Variants in TMEM94 observed in about 807,000 individuals in gnomAD.
The protein encoded by TMEM94 is transmembrane protein 94.
TMEM94 carries 81 observed loss-of-function variants against 158.6 expected under a neutral mutation model. The observed-to-expected ratio is 0.51, with a 90% CI of 0.43 to 0.61. TMEM94 has a LOEUF of 0.61. TMEM94 is among the 20% of genes least tolerant of loss of function. The probability of loss-of-function intolerance (pLI) is 0.00; values close to 1 mark genes in which losing one functional copy is unlikely to be tolerated. For missense variants in TMEM94, 1,435 were observed against 1,762.0 expected (o/e 0.81, Z 3.32); for synonymous variants, 751 against 730.7 (o/e 1.03, Z -0.45).
chr17:75,498,695 T>A lies in TMEM94; in HGVS notation c.3800T>A (p.Leu1267His). The A allele has an allele frequency of 6.3e-7, 1 of 1,579,952 alleles. No homozygotes were observed. The change falls in exon 30 of 32, where the codon CTC becomes CAC. Residue 1267 changes from leucine to histidine, a missense_variant. By Grantham distance (99) the Leu-to-His change is moderately conservative. Transcript: ENST00000314256. The surrounding 1 kb of genome is among the most constrained non-coding windows in gnomAD (Gnocchi z 6.7). Reference sequence around the variant, plus strand: ...TGGAGAAAGAGCCCCTTGACCAACCTCTGGTGGGCCGTGACAGTGCCTGTG... The same window carrying A: ...TGGAGAAAGAGCCCCTTGACCAACCACTGGTGGGCCGTGACAGTGCCTGTG... ...PLWRKSPLTNLWWAVTVPVVL... is the reference protein window; with the variant it reads ...PLWRKSPLTNHWWAVTVPVVL...
At chr17:75,480,268 C>T (rs1567928404) in intron 2 of TMEM94, among the ~76,000 whole-genome samples, 1 of 152,202 alleles carries the variant, frequency 6.6e-6, no homozygotes, top group Non-Finnish European at 1.5e-5. Context: ...CTGGCCTGTG[C>T]GGGCAAGAGC....
At chr17:75,472,705 C>T (rs2050544064) in intron 2 of TMEM94, among the ~76,000 whole-genome samples, 1 of 152,208 alleles carries the variant, frequency 6.6e-6, no homozygotes, top group African/African-American at 2.4e-5. Flanking sequence ...GTCAGTGGTT[C>T]CATACCACCT....
In TMEM94 at chr17:75,463,178, G is replaced by GTGTATATA. The variant is rs1180723796; in HGVS notation, c.-107+6428_-107+6429insGTATATAT. On this transcript the variant is annotated intron_variant, in intron 1 of 31. Coordinates refer to ENST00000314256, the MANE Select transcript of TMEM94 (RefSeq NM_014738.6). ...TATATATATGTGTGTGTGTGTGTGTGTATATATATATATATATATACAGTT... is the reference window on the plus strand; with the variant it reads ...TATATATATGTGTGTGTGTGTGTGTGTGTATATATATATATATATATATATATACAGTT... Among the ~76,000 whole-genome samples, 3 of 15,062 alleles carry GTGTATATA rather than the reference G, an allele frequency of 2.0e-4. 1 individual carries two copies. The highest frequency in any genetic ancestry group is 5.0e-4 in the African/African-American group (3 of 6,036). The allele number at this position is 15,062 out of a possible 152,430, so 9.9% of individuals were successfully genotyped here. A position where few individuals can be genotyped will look rare whatever the true frequency, so the allele number is the denominator to read the frequency against.
rs890855991 is a variant in TMEM94 at position 75,492,103 on chromosome 17, T to A, written c.1596+203T>A. On this transcript the variant is annotated intron_variant, in intron 14 of 31. Coordinates refer to ENST00000314256, the MANE Select transcript of TMEM94 (RefSeq NM_014738.6). This position sits in a 1 kb window ranked among gnomAD's most constrained non-coding sequence, Gnocchi z 4.4. ...GGAGCCTCCCCCTACCCTTCCATTC[T>A]TGTAATCGCAATCACTGGTGTCCCT... is the stretch of plus-strand genomic sequence containing the variant. The A allele has an allele frequency of 2.6e-6, 2 of 780,468 alleles. No individual in the cohort carries two copies. The highest frequency in any genetic ancestry group is 3.5e-5 in the African/African-American group (2 of 57,048). 48.3% of individuals were successfully genotyped at this position (780,468 alleles called of 1,614,324 possible). A position where few individuals can be genotyped will look rare whatever the true frequency, so the allele number is the denominator to read the frequency against.
At chr17:75,461,067 TACA>T (rs908099428) in intron 1 of TMEM94, among the ~76,000 whole-genome samples, 4 of 148,302 alleles carry the variant, frequency 2.7e-5, no homozygotes, top group African/African-American at 9.9e-5. Context: ...AGAGGAATCA[TACA>T]ACATTTGTCC....
Position 75,498,944 on chromosome 17 carries a change from A to G in TMEM94, c.3860A>G (p.Asp1287Gly), listed in dbSNP as rs144769190. 1.9e-4 allele frequency: 302 copies of G among 1,571,122 alleles called. No individual in the cohort carries two copies. Among genetic ancestry groups the G allele is most frequent in the Non-Finnish European group, 2.3e-4 (270 of 1,157,752 alleles). The change falls in exon 31 of 32, where the codon GAC becomes GGC. Residue 1287 changes from aspartate (D) to glycine (G), a missense_variant. By Grantham distance (94) the Asp-to-Gly change is moderately conservative. Coordinates refer to ENST00000314256, the MANE Select transcript of TMEM94 (RefSeq NM_014738.6). This position sits in a 1 kb window ranked among gnomAD's most constrained non-coding sequence, Gnocchi z 6.7. ...LLGQVVQTAV[D>G]LQLWTHRDSH... is the part of the protein sequence containing the mutation. ...GGTCAGGTGGTCCAGACGGCTGTGG[A>G]CCTGCAGCTGTGGACACACAGGGAC...
Position 75,480,092 on chromosome 17 carries a change from AG to A in TMEM94, c.25-5334del, listed in dbSNP as rs934326514. Reference sequence around the variant, plus strand: ...GCAACAGAGCAAGACCCGGTCTCAAAGGAAAAAAAAAAAAAGAGAAAAAGAG... The same window carrying A: ...GCAACAGAGCAAGACCCGGTCTCAAAGAAAAAAAAAAAAAGAGAAAAAGAG... On this transcript the variant is annotated intron_variant, in intron 2 of 31. Transcript: ENST00000314256. Among the ~76,000 whole-genome samples, 6 of 147,608 alleles carry A rather than the reference AG, an allele frequency of 4.1e-5. No homozygotes were observed. The South Asian group carries it at 6.2e-4, about 15-fold the overall frequency.
intron 1 of TMEM94, among the ~76,000 whole-genome samples, chr17:75,463,035 AAAATATATATATATATATATATATATAT>A (rs2050141445): frequency 2.9e-4 from 1 of 3,418 alleles, no homozygotes; most frequent in Non-Finnish European, 5.6e-4. Flanking sequence ...AAAAAAAAAA[AAAATATATATATATATATATATATATAT>A]ATATATATAT....
At position 75,476,630 on chromosome 17, in the gene TMEM94, G is replaced by A. The variant is rs181259143; in HGVS notation, c.24+4701G>A. 8.4e-5 allele frequency: 128 copies of A among 1,530,988 alleles called. No homozygotes were observed. The Middle Eastern group carries it at 2.1e-3, about 25-fold the overall frequency. 94.8% of individuals were successfully genotyped at this position (1,530,988 alleles called of 1,614,324 possible). A position where few individuals can be genotyped will look rare whatever the true frequency, so the allele number is the denominator to read the frequency against. On this transcript the variant is annotated intron_variant, in intron 2 of 31. Transcript: ENST00000314256. ...CTCTCTCTCTCTTTTCACCCTCCCC[G>A]CTTTGAGGGAGGTGTTGGAAGTTCT...
chr17:75,482,780 T>TATTC (rs1026415010), intron 2 of TMEM94, among the ~76,000 whole-genome samples: 2 of 151,676 alleles, frequency 1.3e-5, no homozygotes, highest in South Asian at 2.1e-4. Flanking sequence ...TTCATTCATT[T>TATTC]ATTCATTCAT....
Position 75,485,833 on chromosome 17 carries a change from A to G in TMEM94, c.145-38A>G, listed in dbSNP as rs374206439. 2.1e-5 allele frequency: 34 copies of G among 1,582,098 alleles called. No homozygotes were observed. The highest frequency in any genetic ancestry group is 2.6e-5 in the Non-Finnish European group (30 of 1,161,334). On this transcript the variant is annotated intron_variant, in intron 3 of 31. Coordinates refer to ENST00000314256, the MANE Select transcript of TMEM94 (RefSeq NM_014738.6). This position sits in a 1 kb window ranked among gnomAD's most constrained non-coding sequence, Gnocchi z 5.5. The stretch of plus-strand genomic sequence containing the variant: ...GGAGGCAGCCAGATTGGAGTGGGAC[A>G]GGCCTCTCATTGTCCCCTCCCTGTC...
At position 75,495,709 on chromosome 17, in the gene TMEM94, C is replaced by T. The variant is rs368629501; in HGVS notation, c.2944+66C>T. The T allele has an allele frequency of 1.2e-5, 18 of 1,473,338 alleles. 1 individual carries two copies. The highest frequency in any genetic ancestry group is 2.3e-5 in the South Asian group (2 of 86,906). 91.3% of individuals were successfully genotyped at this position (1,473,338 alleles called of 1,614,324 possible). On this transcript the variant is annotated intron_variant, in intron 22 of 31. Coordinates refer to ENST00000314256, the MANE Select transcript of TMEM94 (RefSeq NM_014738.6). The surrounding 1 kb of genome is among the most constrained non-coding windows in gnomAD (Gnocchi z 5.6). ...GTCGGCTGAGCTCTGCCTGGGCCTG[C>T]GTACCCCGTGGGCTCTGGAGGGATG...
At chr17:75,484,502 A>G (rs62091800) in intron 2 of TMEM94, among the ~76,000 whole-genome samples, 135,034 of 151,918 alleles carry the variant, frequency 0.89, 60,814 homozygotes, top group African/African-American at 0.97. Context: ...GAGCCCAAGC[A>G]ATCCTCCTGC....
Position 75,485,269 on chromosome 17 carries a change from A to G in TMEM94, c.25-159A>G, listed in dbSNP as rs2051495352. 3 of 708,054 alleles carry G rather than the reference A, an allele frequency of 4.2e-6. No individual in the cohort carries two copies. Among genetic ancestry groups the G allele is most frequent in the Non-Finnish European group, 6.9e-6 (3 of 435,196 alleles). 43.9% of individuals were successfully genotyped at this position (708,054 alleles called of 1,614,324 possible). On this transcript the variant is annotated intron_variant, in intron 2 of 31. Transcript: ENST00000314256. The surrounding 1 kb of genome is among the most constrained non-coding windows in gnomAD (Gnocchi z 5.5). ...AGTTTGTAATTTGGTGGAGATGGAC[A>G]TGGTCACACCTTGAGAGGCCAGAGC... is the stretch of plus-strand genomic sequence containing the variant.
At chr17:75,476,371 A>T in intron 2 of TMEM94, 1 of 580,708 alleles carries the variant, frequency 1.7e-6, no homozygotes, top group South Asian at 3.0e-5. Flanking sequence ...GCGTTGGACA[A>T]ACTTTCTCTT....
intron 2 of TMEM94, among the ~76,000 whole-genome samples, chr17:75,475,291 C>A (rs1236473011): frequency 6.6e-6 from 1 of 152,160 alleles, no homozygotes; most frequent in African/African-American, 2.4e-5. Context: ...GTTTGGGGGC[C>A]GCACAGGGAG....
chr17:75,460,515 A>ATTTT (rs537401657), intron 1 of TMEM94, among the ~76,000 whole-genome samples: 11,522 of 140,558 alleles, frequency 0.082, 890 homozygotes, highest in African/African-American at 0.19. Flanking sequence ...GGAGCTGCTG[A>ATTTT]TTTTTTTTTT....
At chr17:75,499,227 T>C (rs1353153514) in intron 31 of TMEM94, 35 bp from the exon 32 acceptor site, 15 of 1,612,530 alleles carry the variant, frequency 9.3e-6, no homozygotes, top group Non-Finnish European at 1.3e-5. Flanking sequence ...CTAAGGATCT[T>C]TGCCAACCTG....
chr17:75,498,546 G>A lies in TMEM94; in HGVS notation c.3733+8G>A, dbSNP rs775619975. On this transcript the variant is annotated splice_region_variant and intron_variant, in intron 29 of 31. Transcript: ENST00000314256. The surrounding 1 kb of genome is among the most constrained non-coding windows in gnomAD (Gnocchi z 6.7). The stretch of plus-strand genomic sequence containing the variant: ...TGATTGTCCTGCACACTGGTGAGAG[G>A]GCTCCCTGGGAGGGCGTGGATGATG... 7 of 1,611,718 alleles carry A rather than the reference G, an allele frequency of 4.3e-6. No homozygotes were observed. In the Admixed American group the frequency reaches 1.0e-4, roughly 23 times the overall value.
Sources: allele counts gnomAD v4.1 joint callset (sites outside exome capture counted in the v4.1 genomes callset), GRCh38; gene constraint gnomAD v4.1.1; non-coding constraint Gnocchi (gnomAD v3.1); transcripts MANE v1.5; gene names NCBI Gene and HGNC (gene_info 2026-07-23, HGNC 2026-07-21).